Variants in TRPM7 observed in about 807,000 individuals in gnomAD.
TRPM7 encodes LTRPC ion channel family member 7.
In TRPM7, 134 loss-of-function variants were observed where a neutral mutation model predicts 229.7. The observed-to-expected ratio is 0.58, with a 90% CI of 0.51 to 0.67. The LOEUF is 0.67. TRPM7 is among the 30% of genes least tolerant of loss of function. The probability of loss-of-function intolerance (pLI) is 0.00; values close to 1 mark genes in which losing one functional copy is unlikely to be tolerated. For synonymous variants in TRPM7, 699 were observed against 715.2 expected, an observed-to-expected ratio of 0.98 and a Z score of 0.36; for missense variants, 1,901 against 2,210.0, an observed-to-expected ratio of 0.86 and a Z score of 2.80.
At chr15:50,608,254 C>T (rs2059974092) in intron 19 of TRPM7, among the ~76,000 whole-genome samples, 1 of 152,010 alleles carries the variant, frequency 6.6e-6, no homozygotes, top group Non-Finnish European at 1.5e-5. Flanking sequence ...CAGAGAGGTG[C>T]TAAAGTTTAT....
At chr15:50,652,328 C>CAAAA (rs34122648) in intron 3 of TRPM7, among the ~76,000 whole-genome samples, 2 of 34,226 alleles carry the variant, frequency 5.8e-5, no homozygotes, top group African/African-American at 2.9e-4. Context: ...GACTCCATCT[C>CAAAA]AAAAAAAAAA....
intron 3 of TRPM7, among the ~76,000 whole-genome samples, chr15:50,656,645 TTTTG>T (rs991819059): frequency 9.2e-5 from 14 of 152,062 alleles, no homozygotes; most frequent in Non-Finnish European, 1.9e-4. Context: ...CTGTCAGGTT[TTTTG>T]TTTTTGTTTT....
intron 4 of TRPM7, among the ~76,000 whole-genome samples, chr15:50,645,882 T>C (rs1057239169): frequency 6.6e-6 from 1 of 151,920 alleles, no homozygotes; most frequent in Non-Finnish European, 1.5e-5. Flanking sequence ...TGGCCGGGCA[T>C]GGTGGCTCAC....
At position 50,635,986 on chromosome 15, in the gene TRPM7, G is replaced by GA. The variant is rs200610049; in HGVS notation, c.833-1431dup. 4.6e-3 allele frequency among the ~76,000 whole-genome samples: 670 copies of GA among 144,568 alleles called. 7 individuals carry two copies. The highest frequency in any genetic ancestry group is 0.016 in the African/African-American group (618 of 39,430). The allele number at this position is 144,568 out of a possible 152,430, so 94.8% of individuals were successfully genotyped here. ...AGTGCGAGACTCCATCTCAAAAAAA[G>GA]AAAAAAAAAATTAAAAATTAAAGAA... On this transcript the variant is annotated intron_variant, in intron 7 of 38. Coordinates refer to ENST00000646667, the MANE Select transcript of TRPM7 (RefSeq NM_017672.6).
intron 36 of TRPM7, among the ~76,000 whole-genome samples, chr15:50,572,080 C>CA (rs1176180976): frequency 2.0e-5 from 3 of 152,122 alleles, no homozygotes; most frequent in Non-Finnish European, 4.4e-5. Flanking sequence ...GCCAGGAGTT[C>CA]AAGACTAGCC....
intron 11 of TRPM7, among the ~76,000 whole-genome samples, chr15:50,627,472 A>G (rs943989188): frequency 2.6e-5 from 4 of 152,190 alleles, no homozygotes; most frequent in African/African-American, 7.2e-5. Flanking sequence ...AGCATGCTTG[A>G]TATGTTCAAA....
intron 21 of TRPM7, 41 bp downstream of exon 21, chr15:50,604,825 T>C: frequency 6.6e-7 from 1 of 1,506,266 alleles, no homozygotes; most frequent in East Asian, 2.3e-5. Context: ...TTTTAAAAAA[T>C]CAATAAACCC....
chr15:50,671,800 T>C (rs964940253), intron 1 of TRPM7, among the ~76,000 whole-genome samples: 1 of 151,162 alleles, frequency 6.6e-6, no homozygotes, highest in African/African-American at 2.4e-5. Context: ...AGAGAACTTG[T>C]CTCGAAAAAA....
Position 50,648,887 on chromosome 15 carries a change from T to C in TRPM7, c.123-2A>G, listed in dbSNP as rs1193099488. The C allele has an allele frequency of 1.3e-6, 2 of 1,594,730 alleles. No homozygotes were observed. The highest frequency in any genetic ancestry group is 1.7e-6 in the Non-Finnish European group (2 of 1,170,308). ...TTGACCAAGCGACCACAAAAACACC[T>C]AAAAGAAAAAGGTGAGATTAAAACA... On this transcript the variant is annotated splice_acceptor_variant, in intron 3 of 38. Coordinates refer to ENST00000646667, the MANE Select transcript of TRPM7 (RefSeq NM_017672.6). LOFTEE classifies it high-confidence loss of function.
At chr15:50,572,780 A>AG (rs2053952154) in intron 36 of TRPM7, among the ~76,000 whole-genome samples, 1 of 152,224 alleles carries the variant, frequency 6.6e-6, no homozygotes, top group Non-Finnish European at 1.5e-5. Flanking sequence ...TTCATTCTTG[A>AG]GCTGAAACCT....
intron 1 of TRPM7, among the ~76,000 whole-genome samples, chr15:50,666,157 TTC>T (rs2061874501): frequency 6.6e-6 from 1 of 151,968 alleles, no homozygotes; most frequent in African/African-American, 2.4e-5. Flanking sequence ...TAAAAGTTGG[TTC>T]TTAGGTTAAC....
At position 50,607,214 on chromosome 15, in the gene TRPM7, C is replaced by T. The variant is rs1273669875; in HGVS notation, c.2695G>A (p.Glu899Lys). 6.2e-7 allele frequency: 1 copy of T among 1,609,348 alleles called. No individual in the cohort carries two copies. Among genetic ancestry groups the T allele is most frequent in the South Asian group, 1.1e-5 (1 of 89,578 alleles). The change falls in exon 20 of 39, where the codon GAG becomes AAG. Residue 899 changes from glutamate to lysine, a missense_variant. By Grantham distance (56) the Glu-to-Lys change is moderately conservative. Around this residue, in one of 8 missense-constraint regions of TRPM7, gnomAD observed 207 missense variants for 241.5 expected, o/e 0.86. Transcript: ENST00000646667. The part of the protein sequence containing the change: ...VIAYIFTYAI[E>K]KVREIFMSEA... Reference sequence around the variant, plus strand: ...TAAAGACATACCTCACGGACTTTCTCAATGGCATAAGTAAAAATATAAGCA... The same window carrying T: ...TAAAGACATACCTCACGGACTTTCTTAATGGCATAAGTAAAAATATAAGCA...
At chr15:50,684,950 T>C (rs1450209811) in intron 1 of TRPM7, among the ~76,000 whole-genome samples, 4 of 152,226 alleles carry the variant, frequency 2.6e-5, no homozygotes, top group Non-Finnish European at 5.9e-5. Context: ...ATTATTAATT[T>C]TTAGGCATGA....
At chr15:50,566,103 G>A (rs1335900083) in intron 38 of TRPM7, among the ~76,000 whole-genome samples, 2 of 152,068 alleles carry the variant, frequency 1.3e-5, no homozygotes, top group East Asian at 3.9e-4. Context: ...GGGATTACAG[G>A]TGTGAGCCAC....
chr15:50,594,683 T>C (rs759429071), intron 23 of TRPM7, 70 bp from the exon 24 acceptor site: 85 of 1,060,870 alleles, frequency 8.0e-5, no homozygotes, highest in Non-Finnish European at 1.1e-4. Flanking sequence ...ATACTGATGA[T>C]TTCATTGTAA....
intron 1 of TRPM7, among the ~76,000 whole-genome samples, chr15:50,666,750 C>T (rs991092444): frequency 3.3e-5 from 5 of 151,028 alleles, no homozygotes; most frequent in South Asian, 2.1e-4. Flanking sequence ...TATGGTGAGC[C>T]GAGATCGTGC....
In TRPM7 at chr15:50,572,429, A is replaced by AT. The variant is rs547594498; in HGVS notation, c.5308+1844dup. ...GATGAAGGCTTAGATAATTCTTACT[A>AT]TTTTTTAACAATAAGGTATTTTTAA... On this transcript the variant is annotated intron_variant, in intron 36 of 38. Coordinates refer to ENST00000646667, the MANE Select transcript of TRPM7 (RefSeq NM_017672.6). Among the ~76,000 whole-genome samples, 171 of 152,356 alleles carry AT rather than the reference A, an allele frequency of 1.1e-3. 1 individual carries two copies. Among genetic ancestry groups the AT allele is most frequent in the African/African-American group, 3.9e-3 (162 of 41,590 alleles).
At chr15:50,651,415 G>A (rs2061416561) in intron 3 of TRPM7, among the ~76,000 whole-genome samples, 1 of 152,180 alleles carries the variant, frequency 6.6e-6, no homozygotes, top group Non-Finnish European at 1.5e-5. Context: ...GGAAGCCGAG[G>A]CGGGTGGATC....
chr15:50,578,466 G>A (rs2054242761), intron 31 of TRPM7, 173 bp downstream of exon 31: 3 of 436,504 alleles, frequency 6.9e-6, no homozygotes, highest in Non-Finnish European at 1.2e-5. Context: ...TGATTCGTGT[G>A]TTTGTGAAAC....
Sources: allele counts gnomAD v4.1 joint callset (sites outside exome capture counted in the v4.1 genomes callset), GRCh38; gene constraint gnomAD v4.1.1; regional missense constraint gnomAD v4.1.1; transcripts MANE v1.5; gene names NCBI Gene and HGNC (gene_info 2026-07-23, HGNC 2026-07-21).